The following BTBD7 variants were observed in gnomAD, a reference collection of about 807,000 sequenced individuals.
BTBD7 encodes BTB domain containing 7, also known as BTB/POZ domain-containing protein 7.
BTBD7 carries 38 observed loss-of-function variants against 99.9 expected under a neutral mutation model. The ratio of observed to expected loss-of-function variants is 0.38; its 90% CI spans 0.29 to 0.50. BTBD7 has a LOEUF of 0.50. BTBD7 is among the 20% of genes least tolerant of loss of function. BTBD7 has a pLI of 0.93. For synonymous variants in BTBD7, 520 were observed against 511.4 expected (o/e 1.02, Z -0.23); for missense variants, 1,170 against 1,394.6 (o/e 0.84, Z 2.57).
intron 1 of BTBD7, among the ~76,000 whole-genome samples, chr14:93,307,363 C>G (rs1420301149): frequency 6.6e-6 from 1 of 152,128 alleles, no homozygotes; most frequent in Non-Finnish European, 1.5e-5. Flanking sequence ...CTAATGTTGT[C>G]CAGGCTGGTC....
At chr14:93,320,001 G>A (rs1274304796) in intron 1 of BTBD7, among the ~76,000 whole-genome samples, 2 of 151,892 alleles carry the variant, frequency 1.3e-5, no homozygotes, top group African/African-American at 2.4e-5. Context: ...AGAGATAGAG[G>A]AAAACTAGAA....
At position 93,257,342 on chromosome 14, in the gene BTBD7, C is replaced by A. The variant is rs765493030; in HGVS notation, c.1461G>T (p.Leu487=). Reference sequence around the variant, plus strand: ...TGTTCACACTATGGGCAGTGCCACTCAGTAAGTTTGGCTCTATGAGACAGA... The same window carrying A: ...TGTTCACACTATGGGCAGTGCCACTAAGTAAGTTTGGCTCTATGAGACAGA... ...KRIADREPNL[L]SGTAHSVNKR... is the part of the protein sequence containing the mutation. The change falls in exon 6 of 11, where the codon CTG becomes CTT. Residue 487 remains leucine, a synonymous_variant. Transcript: ENST00000334746. 3 of 1,604,956 alleles carry A rather than the reference C, an allele frequency of 1.9e-6. No individual in the cohort carries two copies. Among genetic ancestry groups the A allele is most frequent in the Non-Finnish European group, 2.5e-6 (3 of 1,177,166 alleles).
chr14:93,243,999 C>T (rs1458313934), intron 10 of BTBD7: 2 of 245,002 alleles, frequency 8.2e-6, no homozygotes, highest in South Asian at 9.5e-5. Context: ...GCTAACAGTG[C>T]CCCTGCAAAC....
rs1432143028 is a variant in BTBD7 at position 93,240,593 on chromosome 14, G to A, written c.*1680C>T. The A allele has an allele frequency of 6.6e-6, 1 of 152,602 alleles. No homozygotes were observed. The highest frequency in any genetic ancestry group is 1.5e-5 in the Non-Finnish European group (1 of 68,036). The allele number at this position is 152,602 out of a possible 1,614,324, so 9.5% of individuals were successfully genotyped here. A position where few individuals can be genotyped will look rare whatever the true frequency, so the allele number is the denominator to read the frequency against. On this transcript the variant is annotated 3_prime_UTR_variant, in exon 11 of 11. Transcript: ENST00000334746. ...AAGAGGATCCCAAATATCCTGCAGA[G>A]GAAGGAATGCTTAGAAAGCCTCTTT...
intron 1 of BTBD7, among the ~76,000 whole-genome samples, chr14:93,307,834 G>C (rs7144056): frequency 0.079 from 11,956 of 152,130 alleles, 1,003 homozygotes; most frequent in African/African-American, 0.21. Context: ...ACAGTACCTG[G>C]CACTTAGGAG....
At chr14:93,276,961 G>A (rs749645433) in intron 3 of BTBD7, among the ~76,000 whole-genome samples, 9 of 135,694 alleles carry the variant, frequency 6.6e-5, no homozygotes, top group Non-Finnish European at 6.1e-5. Context: ...GAGTGCAGTG[G>A]CATGATCTCA....
intron 1 of BTBD7, among the ~76,000 whole-genome samples, chr14:93,296,373 A>G (rs1246893053): frequency 6.6e-6 from 1 of 152,216 alleles, no homozygotes; most frequent in African/African-American, 2.4e-5. Context: ...ATACTTTCTA[A>G]GTCAGTAAAA....
rs751213966 is a variant in BTBD7 at position 93,242,319 on chromosome 14, C to T, written c.3353G>A (p.Arg1118Lys). 8.1e-6 allele frequency: 13 copies of T among 1,614,058 alleles called. No individual in the cohort carries two copies. Among genetic ancestry groups the T allele is most frequent in the Non-Finnish European group, 1.0e-5 (12 of 1,180,032 alleles). Residue 1118 changes from arginine to lysine, a missense_variant, in exon 11 of 11, where the codon AGG becomes AAG. This residue lies in a region of BTBD7 where 495 missense variants were observed against 525.9 expected (regional missense o/e 0.94). Transcript: ENST00000334746. The part of the protein sequence containing the change: ...EREDSISRGR[R>K]SPSKPDFLYK... ...GAGGAAGTCCGGCTTGCTTGGTGACCTCCTTCCTCTGCTTATTGAATCTTC... is the reference window on the plus strand; with the variant it reads ...GAGGAAGTCCGGCTTGCTTGGTGACTTCCTTCCTCTGCTTATTGAATCTTC...
In BTBD7 at chr14:93,238,770, CTG is replaced by C. The variant is rs2052188855; in HGVS notation, c.*3501_*3502del. The C allele has an allele frequency of 1.3e-5, 2 of 152,228 alleles. No individual in the cohort carries two copies. Among genetic ancestry groups the C allele is most frequent in the Non-Finnish European group, 2.9e-5 (2 of 68,042 alleles). 9.4% of individuals were successfully genotyped at this position (152,228 alleles called of 1,614,324 possible). On this transcript the variant is annotated 3_prime_UTR_variant, in exon 11 of 11. Transcript: ENST00000334746. Reference sequence around the variant, plus strand: ...AGGTCGGCTTTGAGCCCCACTGCCGCTGGCGCGTGTTTCCAATTTGCCTTCTG... The same window carrying C: ...AGGTCGGCTTTGAGCCCCACTGCCGCGCGCGTGTTTCCAATTTGCCTTCTG...
At chr14:93,274,864 T>C (rs184794212) in intron 3 of BTBD7, among the ~76,000 whole-genome samples, 35 of 152,352 alleles carry the variant, frequency 2.3e-4, no homozygotes, top group African/African-American at 8.4e-4. Context: ...TAATGGGTCA[T>C]TCAGCCCTGG....
At position 93,281,608 on chromosome 14, in the gene BTBD7, T is replaced by C. The variant is rs558545081; in HGVS notation, c.1162+12250A>G. 5.3e-5 allele frequency among the ~76,000 whole-genome samples: 8 copies of C among 152,346 alleles called. No individual in the cohort carries two copies. The East Asian group carries it at 1.5e-3, about 29-fold the overall frequency. On this transcript the variant is annotated intron_variant, in intron 3 of 10. Coordinates refer to ENST00000334746, the MANE Select transcript of BTBD7 (RefSeq NM_001002860.4). ...AAAGTAAACTCTATATATACTGACA[T>C]AAACATTTTCCCAAGGTTTATTAAG...
intron 3 of BTBD7, among the ~76,000 whole-genome samples, chr14:93,270,962 T>C (rs2052595094): frequency 6.6e-6 from 1 of 152,188 alleles, no homozygotes; most frequent in Admixed American, 6.5e-5. Context: ...TTCTAATCTT[T>C]AATGTAAGCA....
At chr14:93,298,368 G>A (rs2139776871) in intron 1 of BTBD7, among the ~76,000 whole-genome samples, 1 of 152,266 alleles carries the variant, frequency 6.6e-6, no homozygotes, top group East Asian at 1.9e-4. Context: ...GTGCTGACAG[G>A]ATGCCACAAG....
At chr14:93,261,488 T>C in intron 5 of BTBD7, 114 bp downstream of exon 5, 1 of 841,788 alleles carries the variant, frequency 1.2e-6, no homozygotes, top group Admixed American at 2.1e-5. Flanking sequence ...AAAACTTCCA[T>C]TTTCACCAGG....
Position 93,324,421 on chromosome 14 carries a change from C to CAAAAAAAAAATAAA in BTBD7, c.-107+8398_-107+8399insTTTATTTTTTTTTT, listed in dbSNP as rs71301935. Among the ~76,000 whole-genome samples, 102 of 89,944 alleles carry CAAAAAAAAAATAAA rather than the reference C, an allele frequency of 1.1e-3. 1 individual carries two copies. Among genetic ancestry groups the CAAAAAAAAAATAAA allele is most frequent in the African/African-American group, 4.9e-3 (75 of 15,220 alleles). 59.0% of individuals were successfully genotyped at this position (89,944 alleles called of 152,430 possible). A position where few individuals can be genotyped will look rare whatever the true frequency, so the allele number is the denominator to read the frequency against. On this transcript the variant is annotated intron_variant, in intron 1 of 10. Coordinates refer to ENST00000334746, the MANE Select transcript of BTBD7 (RefSeq NM_001002860.4). ...TGGGTGACAGAGCGAGACCCTGTCT[C>CAAAAAAAAAATAAA]AAAAAAAAAAAAAAGAGATTTTTGA...
chr14:93,287,146 T>G (rs2052788492), intron 3 of BTBD7, among the ~76,000 whole-genome samples: 1 of 151,254 alleles, frequency 6.6e-6, no homozygotes, highest in South Asian at 2.1e-4. Flanking sequence ...GGAGAATCGC[T>G]TGAACCTGGG....
chr14:93,292,505 G>A (rs2052870433), intron 3 of BTBD7, among the ~76,000 whole-genome samples: 1 of 152,020 alleles, frequency 6.6e-6, no homozygotes, highest in Non-Finnish European at 1.5e-5. Flanking sequence ...CATTTTGGTT[G>A]TTGTAATAAA....
chr14:93,316,997 GTTTAAC>G (rs2053214746), intron 1 of BTBD7, among the ~76,000 whole-genome samples: 1 of 152,184 alleles, frequency 6.6e-6, no homozygotes, highest in African/African-American at 2.4e-5. Context: ...TAAGAAATCT[GTTTAAC>G]TTTGTTTAAT....
At chr14:93,282,976 TCTG>T (rs1478571534) in intron 3 of BTBD7, among the ~76,000 whole-genome samples, 1 of 152,248 alleles carries the variant, frequency 6.6e-6, no homozygotes, top group Non-Finnish European at 1.5e-5. Context: ...GTTTACAAAG[TCTG>T]CTATTTTGCC....
Sources: gnomAD v4.1 joint callset for allele counts (sites outside exome capture counted in the v4.1 genomes callset) on GRCh38, gnomAD v4.1.1 for gene constraint, gnomAD v4.1.1 regional missense constraint, MANE v1.5 for transcripts, NCBI Gene and HGNC (gene_info 2026-07-23, HGNC 2026-07-21) for gene names.